ZC3H11A: variants seen among roughly 807,000 people sequenced by gnomAD.
The protein encoded by ZC3H11A is zinc finger CCCH-type containing 11A.
Under a neutral mutation model 90.8 loss-of-function variants are expected in ZC3H11A, and 22 were observed. The observed-to-expected ratio is 0.24, with a 90% confidence interval of 0.17 to 0.35. The LOEUF is 0.35. ZC3H11A is among the 10% of genes least tolerant of loss of function. ZC3H11A has a pLI of 1.00. For missense variants in ZC3H11A, 701 were observed against 964.9 expected, an observed-to-expected ratio of 0.73 and a Z score of 3.62; for synonymous variants, 294 against 339.8, an observed-to-expected ratio of 0.87 and a Z score of 1.48.
chr1:203,847,758 TC>T, intron 13 of ZC3H11A, 71 bp downstream of exon 13: 2 of 1,539,070 alleles, frequency 1.3e-6, no homozygotes, highest in African/African-American at 1.4e-5. Flanking sequence ...CGTGGGATCT[TC>T]CTAGGAGTTG....
Position 203,847,750 on chromosome 1 carries a change from T to A in ZC3H11A, c.1546+63T>A, listed in dbSNP as rs536600068. 192 of 1,556,856 alleles carry A rather than the reference T, an allele frequency of 1.2e-4. No homozygotes were observed. In the African/African-American group the frequency reaches 2.5e-3, roughly 20 times the overall value. On this transcript the variant is annotated intron_variant, in intron 13 of 17. Coordinates refer to ENST00000367210, the MANE Select transcript of ZC3H11A (RefSeq NM_001376342.1). Reference sequence around the variant, plus strand: ...CATAATATTCCAGAGGAGTGTTCCGTGGGATCTTCCTAGGAGTTGTTTGAC... The same window carrying A: ...CATAATATTCCAGAGGAGTGTTCCGAGGGATCTTCCTAGGAGTTGTTTGAC...
intron 5 of ZC3H11A, among the ~76,000 whole-genome samples, chr1:203,828,960 A>G (rs918071919): frequency 1.3e-5 from 2 of 152,238 alleles, no homozygotes; most frequent in Admixed American, 1.3e-4. Flanking sequence ...CCCAAAGTTC[A>G]TTTTAAAGTA....
At chr1:203,814,997 T>G (rs1387358667) in intron 2 of ZC3H11A, 1 of 151,560 alleles carries the variant, frequency 6.6e-6, no homozygotes, top group Non-Finnish European at 1.5e-5. Flanking sequence ...ACCTGGGTAA[T>G]TTTTGTATTT....
chr1:203,825,908 T>C (rs1002869925), intron 4 of ZC3H11A, among the ~76,000 whole-genome samples: 1 of 152,226 alleles, frequency 6.6e-6, no homozygotes, highest in African/African-American at 2.4e-5. Flanking sequence ...GTTGCACATA[T>C]ATTACTTTTC....
chr1:203,799,916 G>A (rs41310875), intron 1 of ZC3H11A: 8 of 1,536,102 alleles, frequency 5.2e-6, no homozygotes, highest in Non-Finnish European at 7.0e-6. Context: ...TTGCAGAAGA[G>A]GTCTGTAATT....
At chr1:203,805,258 C>T (rs1455289974) in intron 2 of ZC3H11A, among the ~76,000 whole-genome samples, 2 of 150,276 alleles carry the variant, frequency 1.3e-5, no homozygotes, top group East Asian at 2.0e-4. Flanking sequence ...TTCAGTCTCC[C>T]GAGAGTAGGA....
chr1:203,804,310 C>T (rs1252248823), intron 2 of ZC3H11A, among the ~76,000 whole-genome samples: 1 of 152,018 alleles, frequency 6.6e-6, no homozygotes, highest in African/African-American at 2.4e-5. Context: ...CGCCACCTCG[C>T]CTGGCTAACT....
Position 203,852,183 on chromosome 1 carries a change from C to T in ZC3H11A, c.2217C>T (p.Pro739=). The T allele has an allele frequency of 6.2e-7, 1 of 1,613,602 alleles. No individual in the cohort carries two copies. The highest frequency in any genetic ancestry group is 8.5e-7 in the Non-Finnish European group (1 of 1,179,814). ...CCCAGTCCTCTTCAGATTCCTCACC[C>T]CCGGAGGTGTCTGGCCCTTCCTCAT... is the stretch of plus-strand genomic sequence containing the variant. The part of the protein sequence containing the change: ...PPTQSSSDSS[P]PEVSGPSSSQ... The change falls in exon 18 of 18, where the codon CCC becomes CCT. Residue 739 remains proline, a synonymous_variant. Transcript: ENST00000367210.
intron 4 of ZC3H11A, among the ~76,000 whole-genome samples, chr1:203,825,603 T>G (rs1680279959): frequency 1.3e-5 from 2 of 151,960 alleles, no homozygotes; most frequent in African/African-American, 4.8e-5. Flanking sequence ...CCCAGCTAAT[T>G]TTTGTATTTT....
rs1397379097 is a variant in ZC3H11A, at chr1:203,802,456, G to A, written c.-706G>A. ...TATGTGTGTGTGTATAAGCCAGTTA[G>A]TATATATCTGTATGTATATTATATA... On this transcript the variant is annotated 5_prime_UTR_variant, in exon 2 of 18. Coordinates refer to ENST00000367210, the MANE Select transcript of ZC3H11A (RefSeq NM_001376342.1). 6.6e-6 allele frequency: 1 copy of A among 152,316 alleles called. No homozygotes were observed. Among genetic ancestry groups the A allele is most frequent in the Non-Finnish European group, 1.5e-5 (1 of 67,982 alleles). 9.4% of individuals were successfully genotyped at this position (152,316 alleles called of 1,614,324 possible).
chr1:203,826,101 A>G (rs1445062193), intron 4 of ZC3H11A, among the ~76,000 whole-genome samples: 2 of 152,232 alleles, frequency 1.3e-5, no homozygotes, highest in African/African-American at 2.4e-5. Context: ...TTCTGCCTTG[A>G]GAAAGGAAGA....
At chr1:203,799,640 C>A in intron 1 of ZC3H11A, 1 of 703,396 alleles carries the variant, frequency 1.4e-6, no homozygotes. Context: ...GCGTGAAGAC[C>A]GCAGGATTGA....
chr1:203,827,734 GTGT>G (rs1230095073), intron 4 of ZC3H11A, among the ~76,000 whole-genome samples: 1 of 151,906 alleles, frequency 6.6e-6, no homozygotes, highest in African/African-American at 2.4e-5. Context: ...CATCCTTAGT[GTGT>G]TGTTATAGGT....
At chr1:203,812,731 G>T (rs1674941044) in intron 2 of ZC3H11A, among the ~76,000 whole-genome samples, 1 of 151,830 alleles carries the variant, frequency 6.6e-6, no homozygotes, top group South Asian at 2.1e-4. Flanking sequence ...ACAGGTGTGT[G>T]CTACCACGGC....
chr1:203,797,501 G>A (rs896246671), intron 1 of ZC3H11A: 8 of 1,468,666 alleles, frequency 5.4e-6, no homozygotes, highest in Non-Finnish European at 7.1e-6. Flanking sequence ...ATTCTGGTAC[G>A]AATTGTGGAG....
chr1:203,838,175 G>A, intron 11 of ZC3H11A, 111 bp downstream of exon 11: 1 of 986,950 alleles, frequency 1.0e-6, no homozygotes, highest in Non-Finnish European at 1.5e-6. Flanking sequence ...AGGTTATCTT[G>A]TATTTGTTAT....
chr1:203,843,983 G>A (rs1408895192), intron 12 of ZC3H11A, among the ~76,000 whole-genome samples: 3 of 151,488 alleles, frequency 2.0e-5, no homozygotes, highest in East Asian at 1.9e-4. Context: ...TCACCCTTCC[G>A]AGTAGCTGGG....
chr1:203,805,978 G>T, intron 2 of ZC3H11A: 4 of 594,232 alleles, frequency 6.7e-6, no homozygotes, highest in South Asian at 5.8e-5. Context: ...ATCCTTCAAT[G>T]ACTGGATGGT....
At chr1:203,810,005 A>G (rs1485393733) in intron 2 of ZC3H11A, among the ~76,000 whole-genome samples, 2 of 152,106 alleles carry the variant, frequency 1.3e-5, no homozygotes, top group Admixed American at 6.6e-5. Context: ...TTGGCAACCT[A>G]GATACTTTTT....
Sources: allele counts gnomAD v4.1 joint callset (sites outside exome capture counted in the v4.1 genomes callset), GRCh38; gene constraint gnomAD v4.1.1; transcripts MANE v1.5; gene names NCBI Gene and HGNC (gene_info 2026-07-23, HGNC 2026-07-21).